TAFA1: variants seen among roughly 807,000 people sequenced by gnomAD.
The protein encoded by TAFA1 is TAFA chemokine like family member 1.
In TAFA1, 4 loss-of-function variants were observed where a neutral mutation model predicts 18.5. The observed-to-expected ratio is 0.22, with a 90% CI of 0.11 to 0.49. The LOEUF (loss-of-function observed/expected upper bound fraction) is 0.49. Among genes scored for constraint, TAFA1 ranks in the 20% least tolerant of loss-of-function variants. The pLI is 0.98. For synonymous variants in TAFA1, 56 were observed against 55.2 expected (o/e 1.01, Z -0.06); for missense variants, 147 against 169.0 (o/e 0.87, Z 0.72).
At chr3:68,059,956 C>G (rs1020650187) in intron 2 of TAFA1, among the ~76,000 whole-genome samples, 28 of 152,008 alleles carry the variant, frequency 1.8e-4, no homozygotes, top group African/African-American at 6.5e-4. Flanking sequence ...CTGGCCTCCT[C>G]CTCTGGGGGC....
intron 2 of TAFA1, among the ~76,000 whole-genome samples, chr3:68,081,095 T>C (rs2064892304): frequency 6.6e-6 from 1 of 152,222 alleles, no homozygotes; most frequent in African/African-American, 2.4e-5. Context: ...TTTCTTCCAG[T>C]TGATCGCATC....
intron 2 of TAFA1, among the ~76,000 whole-genome samples, chr3:68,416,666 T>C (rs1189974863): frequency 1.3e-5 from 2 of 152,220 alleles, no homozygotes; most frequent in East Asian, 3.9e-4. Flanking sequence ...GATGAGCTGT[T>C]ACAATTAAGT....
At chr3:68,288,447 A>T (rs2068053733) in intron 2 of TAFA1, among the ~76,000 whole-genome samples, 1 of 152,168 alleles carries the variant, frequency 6.6e-6, no homozygotes. Context: ...AGCTTCCTGG[A>T]GAATTTGCCC....
chr3:68,373,445 C>T (rs917980760), intron 2 of TAFA1, among the ~76,000 whole-genome samples: 2 of 152,102 alleles, frequency 1.3e-5, no homozygotes, highest in Non-Finnish European at 2.9e-5. Context: ...TTTCATTATG[C>T]CATTCTGTTT....
chr3:68,171,388 C>T (rs1271234102), intron 2 of TAFA1, among the ~76,000 whole-genome samples: 2 of 152,112 alleles, frequency 1.3e-5, no homozygotes, highest in South Asian at 2.1e-4. Flanking sequence ...TGGTGAGACA[C>T]ATTTTAGACT....
At chr3:68,110,632 T>C (rs554546582) in intron 2 of TAFA1, among the ~76,000 whole-genome samples, 1 of 152,218 alleles carries the variant, frequency 6.6e-6, no homozygotes, top group South Asian at 2.1e-4. Context: ...GGTAGGACAA[T>C]ATTTAGGTCA....
intron 2 of TAFA1, among the ~76,000 whole-genome samples, chr3:68,395,900 C>T (rs1405809470): frequency 6.6e-6 from 1 of 151,734 alleles, no homozygotes; most frequent in Non-Finnish European, 1.5e-5. Flanking sequence ...CACATGTATA[C>T]CTATGTAACA....
chr3:68,115,667 GTC>G (rs752855324), intron 2 of TAFA1, among the ~76,000 whole-genome samples: 174 of 152,298 alleles, frequency 1.1e-3, no homozygotes, highest in Non-Finnish European at 1.8e-3. Flanking sequence ...GCGTGGCCCT[GTC>G]TCTCAGTTTT....
chr3:68,102,117 C>T (rs1291262737), intron 2 of TAFA1, among the ~76,000 whole-genome samples: 1 of 152,066 alleles, frequency 6.6e-6, no homozygotes, highest in Non-Finnish European at 1.5e-5. Context: ...GACATTTTGA[C>T]TCTGGAAGTT....
intron 3 of TAFA1, among the ~76,000 whole-genome samples, chr3:68,419,742 T>C (rs1031638320): frequency 3.5e-4 from 53 of 152,302 alleles, no homozygotes; most frequent in African/African-American, 1.2e-3. Context: ...ATTCATGTTA[T>C]GTATTTTCAT....
chr3:68,383,396 C>A (rs1575821344), intron 2 of TAFA1, among the ~76,000 whole-genome samples: 1 of 152,136 alleles, frequency 6.6e-6, no homozygotes, highest in East Asian at 1.9e-4. Context: ...TAACATGAAG[C>A]AATGTTGAAT....
intron 2 of TAFA1, among the ~76,000 whole-genome samples, chr3:68,240,324 C>CT (rs1358691301): frequency 6.6e-6 from 1 of 152,172 alleles, no homozygotes; most frequent in Non-Finnish European, 1.5e-5. Flanking sequence ...GGTCAGAACT[C>CT]TTGTAAACTG....
intron 3 of TAFA1, among the ~76,000 whole-genome samples, chr3:68,514,386 G>C (rs192012427): frequency 6.6e-6 from 1 of 152,052 alleles, no homozygotes; most frequent in Non-Finnish European, 1.5e-5. Context: ...AATATGCATA[G>C]GTATATAAAT....
At chr3:68,037,719 G>T (rs1464290762) in intron 2 of TAFA1, among the ~76,000 whole-genome samples, 1 of 152,130 alleles carries the variant, frequency 6.6e-6, no homozygotes, top group African/African-American at 2.4e-5. Context: ...AGTAAGATTT[G>T]CATTTTAGAG....
chr3:68,130,117 C>T (rs987098498), intron 2 of TAFA1, among the ~76,000 whole-genome samples: 4 of 152,010 alleles, frequency 2.6e-5, no homozygotes, highest in Admixed American at 6.6e-5. Context: ...CCAGGAAAAC[C>T]GGGCAGGCAT....
At chr3:68,107,411 A>C (rs2065216033) in intron 2 of TAFA1, among the ~76,000 whole-genome samples, 1 of 152,188 alleles carries the variant, frequency 6.6e-6, no homozygotes, top group Admixed American at 6.6e-5. Context: ...GTGAATGGAT[A>C]AACAAATTTA....
intron 2 of TAFA1, among the ~76,000 whole-genome samples, chr3:68,012,157 A>C (rs1449256796): frequency 1.3e-5 from 2 of 152,258 alleles, no homozygotes; most frequent in Admixed American, 1.3e-4. Flanking sequence ...TTAACTGGAT[A>C]AATCGGCATG....
intron 2 of TAFA1, among the ~76,000 whole-genome samples, chr3:68,156,631 T>A (rs887354569): frequency 6.6e-6 from 1 of 152,176 alleles, no homozygotes; most frequent in African/African-American, 2.4e-5. Flanking sequence ...CTGTATTGTA[T>A]CTAGAAGGGA....
chr3:68,077,785 G>A (rs1039143421), intron 2 of TAFA1, among the ~76,000 whole-genome samples: 8 of 151,898 alleles, frequency 5.3e-5, no homozygotes, highest in African/African-American at 1.2e-4. Flanking sequence ...TAGACTTGGC[G>A]ATGCGGGCTC....
Sources: gnomAD v4.1 joint callset for allele counts (sites outside exome capture counted in the v4.1 genomes callset) on GRCh38, gnomAD v4.1.1 for gene constraint, MANE v1.5 for transcripts, NCBI Gene and HGNC (gene_info 2026-07-23, HGNC 2026-07-21) for gene names.